The following CENPP variants were observed in gnomAD, a reference collection of about 807,000 sequenced individuals.
The protein encoded by CENPP is centromere protein P.
Under a neutral mutation model 35.6 loss-of-function variants are expected in CENPP, and 24 were observed. The ratio of observed to expected loss-of-function variants is 0.67; its 90% CI spans 0.49 to 0.95. CENPP has a LOEUF of 0.95. Among genes scored for constraint, CENPP ranks in the 40% least tolerant of loss-of-function variants. CENPP has a pLI of 0.00. For missense variants in CENPP, 332 were observed against 345.3 expected, an observed-to-expected ratio of 0.96 and a Z score of 0.31; for synonymous variants, 120 against 125.5, an observed-to-expected ratio of 0.96 and a Z score of 0.29.
At chr9:92,494,488 T>G (rs1846262236) in intron 5 of CENPP, among the ~76,000 whole-genome samples, 1 of 152,212 alleles carries the variant, frequency 6.6e-6, no homozygotes, top group Admixed American at 6.5e-5. Context: ...ATTCTAGTTT[T>G]CTTCCTAACA....
intron 5 of CENPP, among the ~76,000 whole-genome samples, chr9:92,606,325 C>T (rs1182966100): frequency 3.3e-5 from 5 of 152,002 alleles, no homozygotes; most frequent in Non-Finnish European, 5.9e-5. Flanking sequence ...TACAAATGAC[C>T]AGTAAGCACA....
intron 5 of CENPP, among the ~76,000 whole-genome samples, chr9:92,439,039 T>C (rs1844317739): frequency 6.6e-6 from 1 of 152,236 alleles, no homozygotes; most frequent in Non-Finnish European, 1.5e-5. Context: ...GTTCTTTTGT[T>C]CTTATTAAGA....
chr9:92,604,475 T>C (rs976921744), intron 5 of CENPP, among the ~76,000 whole-genome samples: 3 of 152,206 alleles, frequency 2.0e-5, no homozygotes, highest in African/African-American at 7.2e-5. Context: ...AGGTTGGCCT[T>C]TTTCTTTTTC....
chr9:92,565,456 TAA>T (rs1849946940), intron 5 of CENPP, among the ~76,000 whole-genome samples: 1 of 152,194 alleles, frequency 6.6e-6, no homozygotes, highest in African/African-American at 2.4e-5. Context: ...AAATTGTGGT[TAA>T]TTCTGGTCAA....
At position 92,593,951 on chromosome 9, in the gene CENPP, CAGA is replaced by C. The variant is rs1229446688; in HGVS notation, c.565-17360_565-17358del. Among the ~76,000 whole-genome samples the C allele has an allele frequency of 2.6e-5, 4 of 152,138 alleles. No homozygotes were observed. The highest frequency in any genetic ancestry group is 2.1e-4 in the South Asian group (1 of 4,828). On this transcript the variant is annotated intron_variant, in intron 5 of 7. Transcript: ENST00000375587. The surrounding 1 kb of genome is among the most constrained non-coding windows in gnomAD (Gnocchi z 4.1). ...GATATCCTGGATGGGAATCCTGGAA[CAGA>C]AGGACATTAAGGCAAAACTGAGGAA...
Position 92,613,180 on chromosome 9 carries a change from TGC to T in CENPP, c.*32_*33del, listed in dbSNP as rs1163402327. ...AAACAGTGAACGTGGAGGATGAAGA[TGC>T]TGCGTGGAGGAACATGCAATTTTAT... On this transcript the variant is annotated 3_prime_UTR_variant, in exon 8 of 8. Coordinates refer to ENST00000375587, the MANE Select transcript of CENPP (RefSeq NM_001012267.3). 5.0e-6 allele frequency: 8 copies of T among 1,613,656 alleles called. No individual in the cohort carries two copies. The South Asian group carries it at 8.8e-5, about 18-fold the overall frequency.
At chr9:92,589,156 T>G (rs1850610695) in intron 5 of CENPP, among the ~76,000 whole-genome samples, 1 of 151,504 alleles carries the variant, frequency 6.6e-6, no homozygotes, top group Non-Finnish European at 1.5e-5. Context: ...GGTGAAACCC[T>G]GTCTCTACCA....
intron 5 of CENPP, chr9:92,393,322 T>C: frequency 9.1e-7 from 1 of 1,100,110 alleles, no homozygotes; most frequent in Non-Finnish European, 1.3e-6. Context: ...ATTATTGCTA[T>C]TATGAATGCT....
At chr9:92,584,422 C>T (rs1850496811) in intron 5 of CENPP, among the ~76,000 whole-genome samples, 1 of 152,216 alleles carries the variant, frequency 6.6e-6, no homozygotes. Flanking sequence ...CATCACGGCT[C>T]ACTGCAGCCT....
At chr9:92,368,777 G>T (rs1841944744) in intron 4 of CENPP, among the ~76,000 whole-genome samples, 1 of 152,216 alleles carries the variant, frequency 6.6e-6, no homozygotes, top group Non-Finnish European at 1.5e-5. Context: ...AGTGGTTCAT[G>T]CCTGTAATCC....
intron 5 of CENPP, chr9:92,386,147 A>G: frequency 7.3e-7 from 1 of 1,367,712 alleles, no homozygotes; most frequent in Non-Finnish European, 1.0e-6. Context: ...ATGAGTCACA[A>G]GATTTTGACT....
At chr9:92,589,001 A>G (rs1275129235) in intron 5 of CENPP, among the ~76,000 whole-genome samples, 1 of 152,166 alleles carries the variant, frequency 6.6e-6, no homozygotes, top group Non-Finnish European at 1.5e-5. Flanking sequence ...TAATATGCAA[A>G]TGTATCATTT....
rs746470212 is a variant in CENPP, at chr9:92,386,283, AG to A, written c.564+6426del. 5 of 1,612,586 alleles carry A rather than the reference AG, an allele frequency of 3.1e-6. No individual in the cohort carries two copies. The South Asian group carries it at 5.5e-5, about 18-fold the overall frequency. ...ATTATGGTCCAAGTAGAGGAAGGTG[AG>A]GTTATTCAGTTTCTGTAAGGAAAAT... is the stretch of plus-strand genomic sequence containing the variant. On this transcript the variant is annotated intron_variant, in intron 5 of 7. Transcript: ENST00000375587.
intron 5 of CENPP, among the ~76,000 whole-genome samples, chr9:92,557,108 A>G (rs1342058944): frequency 2.0e-5 from 3 of 152,222 alleles, no homozygotes; most frequent in Non-Finnish European, 4.4e-5. Flanking sequence ...GCTGAATACA[A>G]AATTATTGGC....
intron 4 of CENPP, among the ~76,000 whole-genome samples, chr9:92,371,092 A>G (rs1024818090): frequency 3.3e-5 from 5 of 151,540 alleles, no homozygotes; most frequent in African/African-American, 1.2e-4. Flanking sequence ...TTGCTTATTT[A>G]TTTTTTGACT....
chr9:92,564,639 C>T (rs950927927), intron 5 of CENPP, among the ~76,000 whole-genome samples: 2 of 152,114 alleles, frequency 1.3e-5, no homozygotes, highest in African/African-American at 2.4e-5. Flanking sequence ...ATAATCCATT[C>T]TGTGGATCAA....
intron 5 of CENPP, among the ~76,000 whole-genome samples, chr9:92,402,069 A>C (rs1428134647): frequency 6.6e-6 from 1 of 152,192 alleles, no homozygotes; most frequent in African/African-American, 2.4e-5. Flanking sequence ...AGAAACTTCT[A>C]AAGCCCTGTA....
In CENPP at chr9:92,611,177, G is replaced by A. The variant is rs569157165; in HGVS notation, c.565-137G>A. ...GTGTGACAGCAAGGGCAAGAGGGGCGGTTGGCACCCATGGATGCTGCGCAA... is the reference window on the plus strand; with the variant it reads ...GTGTGACAGCAAGGGCAAGAGGGGCAGTTGGCACCCATGGATGCTGCGCAA... On this transcript the variant is annotated intron_variant, in intron 5 of 7. Transcript: ENST00000375587. The A allele has an allele frequency of 1.6e-5, 11 of 697,284 alleles. 1 individual carries two copies. The South Asian group carries it at 1.7e-4, about 11-fold the overall frequency. 43.2% of individuals were successfully genotyped at this position (697,284 alleles called of 1,614,324 possible).
In CENPP at chr9:92,337,617, T is replaced by G. The variant is rs1347715121; in HGVS notation, c.366T>G (p.Ile122Met). The stretch of plus-strand genomic sequence containing the variant: ...TTACATTTCAACTTGAATTTCAGAT[T>G]CTGGAAATTCAGGTAAATTAAGAAG... ...HMVTFQLEFQILEIQNKERLS... is the reference protein window; with the variant it reads ...HMVTFQLEFQMLEIQNKERLS... Residue 122 changes from isoleucine (I) to methionine (M), a missense_variant, in exon 3 of 8, where the codon ATT becomes ATG. Ile to Met is a conservative substitution (Grantham distance 10). Coordinates refer to ENST00000375587, the MANE Select transcript of CENPP (RefSeq NM_001012267.3). 5.0e-6 allele frequency: 8 copies of G among 1,588,916 alleles called. No homozygotes were observed. Among genetic ancestry groups the G allele is most frequent in the Non-Finnish European group, 6.9e-6 (8 of 1,157,220 alleles).
Sources: gnomAD v4.1 joint callset for allele counts (sites outside exome capture counted in the v4.1 genomes callset) on GRCh38, gnomAD v4.1.1 for gene constraint, Gnocchi (gnomAD v3.1) non-coding constraint, MANE v1.5 for transcripts, NCBI Gene and HGNC (gene_info 2026-07-23, HGNC 2026-07-21) for gene names.